The following PIK3C2G variants were observed in gnomAD, a reference collection of about 807,000 sequenced individuals.
PIK3C2G encodes the protein phosphatidylinositol 3-kinase C2 domain-containing subunit gamma.
In PIK3C2G, 168 loss-of-function variants were observed where a neutral mutation model predicts 181.1. That is an observed-to-expected ratio of 0.93 (90% CI 0.82 to 1.05). PIK3C2G has a LOEUF of 1.05. Among genes scored for constraint, PIK3C2G ranks in the 50% least tolerant of loss-of-function variants. The probability of loss-of-function intolerance (pLI) is 0.00; values close to 1 mark genes in which losing one functional copy is unlikely to be tolerated. For missense variants in PIK3C2G, 1,869 were observed against 1,732.8 expected (o/e 1.08, Z -1.40); for synonymous variants, 573 against 592.2 (o/e 0.97, Z 0.47).
intron 30 of PIK3C2G, among the ~76,000 whole-genome samples, chr12:18,598,692 A>G (rs1031459819): frequency 1.4e-5 from 2 of 145,628 alleles, no homozygotes; most frequent in African/African-American, 2.5e-5. Flanking sequence ...AAAAGAAACT[A>G]CCATCAGAGT....
the PIK3C2G span, among the ~76,000 whole-genome samples, chr12:18,697,666 T>C: frequency 6.6e-6 from 1 of 152,154 alleles, no homozygotes; most frequent in African/African-American, 2.4e-5. Flanking sequence ...CTCCTTCACA[T>C]ATATCTTCCC....
chr12:18,294,319 A>G (rs1653576610), intron 5 of PIK3C2G, among the ~76,000 whole-genome samples: 1 of 152,072 alleles, frequency 6.6e-6, no homozygotes, highest in Non-Finnish European at 1.5e-5. Context: ...AAAACCAGTA[A>G]AGTCCCAAAC....
At chr12:18,671,861 G>C in the PIK3C2G span, among the ~76,000 whole-genome samples, 1 of 152,090 alleles carries the variant, frequency 6.6e-6, no homozygotes, top group Non-Finnish European at 1.5e-5. Context: ...TAAGATCAAG[G>C]CGCCTGCAGA....
chr12:18,525,090 T>C (rs1372165347), intron 24 of PIK3C2G, among the ~76,000 whole-genome samples: 1 of 152,004 alleles, frequency 6.6e-6, no homozygotes, highest in Non-Finnish European at 1.5e-5. Context: ...TTTGCTATTT[T>C]TAAAAAATCT....
chr12:18,704,252 A>C, the PIK3C2G span, among the ~76,000 whole-genome samples: 1 of 152,184 alleles, frequency 6.6e-6, no homozygotes. Context: ...TGAAGCAATT[A>C]GAAGAGAAAG....
rs1378296501 is a variant in PIK3C2G at position 18,391,160 on chromosome 12, T to A, written c.2034T>A (p.Pro678=). The change falls in exon 15 of 33, where the codon CCT becomes CCA. Residue 678 remains proline, a synonymous_variant. Coordinates refer to ENST00000538779, the MANE Select transcript of PIK3C2G (RefSeq NM_001288772.2). Reference sequence around the variant, plus strand: ...CTACTGGGTGGGAGTATATGAAACCTGATTCTGAAGAGAATAGAAGTAATC... The same window carrying A: ...CTACTGGGTGGGAGTATATGAAACCAGATTCTGAAGAGAATAGAAGTAATC... The part of the protein sequence containing the change: ...FPATGWEYMK[P]DSEENRSNLE... The A allele has an allele frequency of 5.0e-6, 8 of 1,608,826 alleles. No homozygotes were observed. In the Middle Eastern group the frequency reaches 6.6e-4, roughly 133 times the overall value.
chr12:18,513,942 A>G (rs1942372778), intron 24 of PIK3C2G, among the ~76,000 whole-genome samples: 1 of 151,454 alleles, frequency 6.6e-6, no homozygotes, highest in Non-Finnish European at 1.5e-5. Flanking sequence ...GTTATGTTAC[A>G]TTGCTTATTT....
chr12:18,564,652 G>C (rs1444498183), intron 28 of PIK3C2G, among the ~76,000 whole-genome samples: 1 of 151,960 alleles, frequency 6.6e-6, no homozygotes, highest in Non-Finnish European at 1.5e-5. Flanking sequence ...GACTGAGAGG[G>C]AGGCAAAGTC....
chr12:18,684,138 A>C, the PIK3C2G span: 11 of 1,611,556 alleles, frequency 6.8e-6, no homozygotes, highest in African/African-American at 1.2e-4. Context: ...ACCTTTGTTC[A>C]TGCATAGAAG....
the PIK3C2G span, among the ~76,000 whole-genome samples, chr12:18,687,474 A>T: frequency 2.0e-5 from 3 of 152,136 alleles, no homozygotes; most frequent in African/African-American, 4.8e-5. Context: ...TAATTTCCTT[A>T]GTCATTTCAA....
chr12:18,303,850 A>G (rs1009205754), intron 5 of PIK3C2G, among the ~76,000 whole-genome samples: 7 of 152,244 alleles, frequency 4.6e-5, no homozygotes, highest in African/African-American at 1.7e-4. Flanking sequence ...AGGATGGTCA[A>G]ATTTTATATG....
the PIK3C2G span, among the ~76,000 whole-genome samples, chr12:18,721,917 G>A: frequency 6.6e-6 from 1 of 151,970 alleles, no homozygotes; most frequent in Non-Finnish European, 1.5e-5. Context: ...ACTGAGTCAT[G>A]AAGCCAAAAT....
intron 5 of PIK3C2G, among the ~76,000 whole-genome samples, chr12:18,305,828 A>G (rs1358213738): frequency 6.6e-6 from 1 of 152,014 alleles, no homozygotes; most frequent in African/African-American, 2.4e-5. Context: ...TATAATTACT[A>G]AATTTTATAA....
At chr12:18,389,348 A>T (rs1443944157) in intron 14 of PIK3C2G, among the ~76,000 whole-genome samples, 1 of 141,112 alleles carries the variant, frequency 7.1e-6, no homozygotes, top group Non-Finnish European at 1.5e-5. Flanking sequence ...GTGAGACTCC[A>T]TCTCAAAAAA....
intron 18 of PIK3C2G, among the ~76,000 whole-genome samples, chr12:18,433,849 A>C (rs2135779322): frequency 6.6e-6 from 1 of 152,288 alleles, no homozygotes; most frequent in South Asian, 2.1e-4. Context: ...CTTCCAACTA[A>C]AAATACACAG....
the PIK3C2G span, among the ~76,000 whole-genome samples, chr12:18,660,709 C>T: frequency 2.0e-5 from 3 of 152,068 alleles, no homozygotes; most frequent in African/African-American, 7.2e-5. Flanking sequence ...AATCTGATTT[C>T]CAGAGACATG....
intron 18 of PIK3C2G, among the ~76,000 whole-genome samples, chr12:18,487,797 A>T (rs1940196667): frequency 6.6e-6 from 1 of 152,136 alleles, no homozygotes; most frequent in African/African-American, 2.4e-5. Context: ...GCATTGCCTC[A>T]TTCTGTGTTC....
At chr12:18,534,257 A>T (rs138835421) in intron 24 of PIK3C2G, among the ~76,000 whole-genome samples, 1 of 151,824 alleles carries the variant, frequency 6.6e-6, no homozygotes, top group African/African-American at 2.4e-5. Context: ...GCCTCTTGCT[A>T]TTTCTTACAT....
At chr12:18,706,968 T>C in the PIK3C2G span, among the ~76,000 whole-genome samples, 3 of 152,216 alleles carry the variant, frequency 2.0e-5, no homozygotes, top group Non-Finnish European at 4.4e-5. Context: ...TCCTTGCCTC[T>C]TCCAGGTTTG....
Sources: gnomAD v4.1 joint callset for allele counts (sites outside exome capture counted in the v4.1 genomes callset) on GRCh38, gnomAD v4.1.1 for gene constraint, MANE v1.5 for transcripts, NCBI Gene and HGNC (gene_info 2026-07-23, HGNC 2026-07-21) for gene names.